Variants in GRB10 observed in about 807,000 individuals in gnomAD.
GRB10 encodes the protein growth factor receptor bound protein 10, also known as growth factor receptor-bound protein 10.
In GRB10, 20 loss-of-function variants were observed where a neutral mutation model predicts 80.9. That is an observed-to-expected ratio of 0.25 (90% CI 0.17 to 0.36). The LOEUF (loss-of-function observed/expected upper bound fraction) is 0.36, where lower values mean the gene tolerates loss of function less well. Among genes scored for constraint, GRB10 ranks in the 10% least tolerant of loss-of-function variants. The pLI is 1.00. For missense variants in GRB10, 548 were observed against 747.7 expected, an observed-to-expected ratio of 0.73 and a Z score of 3.12; for synonymous variants, 291 against 291.5, an observed-to-expected ratio of 1.00 and a Z score of 0.02.
intron 17 of GRB10, among the ~76,000 whole-genome samples, chr7:50,598,991 T>G (rs2047125136): frequency 2.1e-5 from 3 of 145,956 alleles, no homozygotes; most frequent in South Asian, 2.2e-4. Flanking sequence ...ATAAGCATGG[T>G]GTTGGGGGTG....
chr7:50,633,722 A>T (rs548355569), intron 7 of GRB10, among the ~76,000 whole-genome samples: 1 of 151,812 alleles, frequency 6.6e-6, no homozygotes, highest in Non-Finnish European at 1.5e-5. Flanking sequence ...CAACAACAAC[A>T]ACTTTTGGAA....
chr7:50,670,599 A>G (rs936103670), intron 6 of GRB10, among the ~76,000 whole-genome samples: 2 of 151,998 alleles, frequency 1.3e-5, no homozygotes, highest in Non-Finnish European at 2.9e-5. Context: ...TCAGTGCCTG[A>G]CATGGCATCA....
chr7:50,600,169 A>G (rs570947630), intron 17 of GRB10, among the ~76,000 whole-genome samples: 131 of 152,318 alleles, frequency 8.6e-4, no homozygotes, highest in African/African-American at 3.1e-3. Context: ...GATACGGTTC[A>G]GGGGTATAAG....
chr7:50,682,312 T>C (rs1002312306), intron 5 of GRB10, among the ~76,000 whole-genome samples: 1 of 152,220 alleles, frequency 6.6e-6, no homozygotes, highest in African/African-American at 2.4e-5. Flanking sequence ...GGCATCTGTT[T>C]GGGTAGATTG....
intron 3 of GRB10, among the ~76,000 whole-genome samples, chr7:50,749,610 C>A (rs1008702401): frequency 6.6e-6 from 1 of 152,162 alleles, no homozygotes. Context: ...TGGAATTTGT[C>A]ATTTTCAAAG....
At chr7:50,694,311 G>A (rs111821827) in intron 5 of GRB10, among the ~76,000 whole-genome samples, 4,673 of 152,218 alleles carry the variant, frequency 0.031, 242 homozygotes, top group African/African-American at 0.11. Context: ...GTGTCAGAGC[G>A]AGACTCTGTC....
intron 14 of GRB10, among the ~76,000 whole-genome samples, chr7:50,605,932 G>A (rs140517227): frequency 6.6e-6 from 1 of 152,334 alleles, no homozygotes; most frequent in African/African-American, 2.4e-5. Flanking sequence ...GAGGAACGAT[G>A]ACAATCTCTA....
intron 17 of GRB10, among the ~76,000 whole-genome samples, chr7:50,597,357 C>T (rs772262324): frequency 1.4e-4 from 21 of 152,354 alleles, no homozygotes; most frequent in African/African-American, 5.1e-4. Flanking sequence ...GGGGAACACG[C>T]GGCACCGCCA....
At chr7:50,697,584 TC>T (rs1481101210) in intron 5 of GRB10, among the ~76,000 whole-genome samples, 7 of 152,174 alleles carry the variant, frequency 4.6e-5, no homozygotes, top group Admixed American at 2.6e-4. Flanking sequence ...CATGCAAGGA[TC>T]CAGGCCACTC....
At chr7:50,714,336 G>A (rs1166511594) in intron 4 of GRB10, among the ~76,000 whole-genome samples, 1 of 152,166 alleles carries the variant, frequency 6.6e-6, no homozygotes, top group Non-Finnish European at 1.5e-5. Flanking sequence ...CAGTGACAAT[G>A]CAAGTTATAG....
intron 2 of GRB10, chr7:50,779,776 C>T (rs932052125): frequency 1.3e-5 from 2 of 152,286 alleles, no homozygotes; most frequent in Non-Finnish European, 2.9e-5. Flanking sequence ...CTCCCAGACA[C>T]TGCACAGGAA....
At chr7:50,611,871 C>T (rs776792003) in intron 13 of GRB10, among the ~76,000 whole-genome samples, 15 of 152,186 alleles carry the variant, frequency 9.9e-5, no homozygotes, top group Admixed American at 2.6e-4. Flanking sequence ...GTTGACTAAA[C>T]GAACATCTCC....
chr7:50,718,535 C>T (rs1311207087), intron 4 of GRB10, among the ~76,000 whole-genome samples: 3 of 152,118 alleles, frequency 2.0e-5, no homozygotes, highest in Non-Finnish European at 2.9e-5. Flanking sequence ...AGTGAGAGCT[C>T]ACTCTCACAC....
chr7:50,714,446 G>A (rs1363697973), intron 4 of GRB10, among the ~76,000 whole-genome samples: 6 of 152,250 alleles, frequency 3.9e-5, no homozygotes, highest in African/African-American at 7.2e-5. Context: ...TGCAGATCAC[G>A]AGGTCAGGAG....
intron 2 of GRB10, among the ~76,000 whole-genome samples, chr7:50,765,617 T>C (rs138020606): frequency 1.6e-4 from 25 of 152,232 alleles, no homozygotes; most frequent in African/African-American, 5.8e-4. Context: ...AGTAGATTGG[T>C]GGTTACCAGA....
chr7:50,661,906 G>A (rs1428265837), intron 7 of GRB10, among the ~76,000 whole-genome samples: 1 of 152,220 alleles, frequency 6.6e-6, no homozygotes. Context: ...GACACAGGAC[G>A]AGGCTGTGGT....
intron 2 of GRB10, among the ~76,000 whole-genome samples, chr7:50,765,907 T>G (rs1413925173): frequency 6.6e-6 from 1 of 152,218 alleles, no homozygotes; most frequent in East Asian, 1.9e-4. Flanking sequence ...CTTTACAAAT[T>G]ACATGCATGC....
intron 2 of GRB10, among the ~76,000 whole-genome samples, chr7:50,765,058 G>C (rs1287735010): frequency 2.0e-5 from 3 of 152,148 alleles, no homozygotes; most frequent in Admixed American, 2.0e-4. Context: ...GAGCCAACAG[G>C]TGTATCCAAA....
chr7:50,645,781 A>G, intron 7 of GRB10: 1 of 233,554 alleles, frequency 4.3e-6, no homozygotes. Flanking sequence ...GATTGCCTGG[A>G]CACAGTCCCC....
Sources: gnomAD v4.1 joint callset for allele counts (sites outside exome capture counted in the v4.1 genomes callset) on GRCh38, gnomAD v4.1.1 for gene constraint, MANE v1.5 for transcripts, NCBI Gene and HGNC (gene_info 2026-07-23, HGNC 2026-07-21) for gene names.